The following PCDHGA6 variants were observed in gnomAD, a reference collection of about 807,000 sequenced individuals.
The protein encoded by PCDHGA6 is protocadherin gamma-A6.
Under a neutral mutation model 60.6 loss-of-function variants are expected in PCDHGA6, and 41 were observed. The observed-to-expected ratio is 0.68, with a 90% confidence interval of 0.53 to 0.88. PCDHGA6 has a LOEUF of 0.88. PCDHGA6 is among the 40% of genes least tolerant of loss of function. The probability of loss-of-function intolerance (pLI) is 0.00; values close to 1 mark genes in which losing one functional copy is unlikely to be tolerated. For synonymous variants in PCDHGA6, 594 were observed against 524.4 expected, an observed-to-expected ratio of 1.13 and a Z score of -1.81; for missense variants, 1,312 against 1,203.0, an observed-to-expected ratio of 1.09 and a Z score of -1.34.
intron 1 of PCDHGA6, chr5:141,398,750 A>G (rs144881560): frequency 1.1e-5 from 17 of 1,613,502 alleles, no homozygotes; most frequent in Middle Eastern, 1.6e-4. Flanking sequence ...CAGAGTTACC[A>G]TCGTTTAGTC....
At position 141,490,979 on chromosome 5, in the gene PCDHGA6, C is replaced by T. The variant is rs1217345302; in HGVS notation, c.2425-3828C>T. 6.2e-7 allele frequency: 1 copy of T among 1,614,086 alleles called. No individual in the cohort carries two copies. The highest frequency in any genetic ancestry group is 8.5e-7 in the Non-Finnish European group (1 of 1,180,014). ...GAACACTCAGCCCCCCAGCGTCTCC[C>T]TCGCTCTGCTCCTCCTGGCTCCTTG... On this transcript the variant is annotated intron_variant, in intron 1 of 3. Transcript: ENST00000517434. This position sits in a 1 kb window ranked among gnomAD's most constrained non-coding sequence, Gnocchi z 5.4.
In PCDHGA6 at chr5:141,487,192, C is replaced by T. The variant is rs2099641028; in HGVS notation, c.2425-7615C>T. ...TAGAGGAAGACACTCATCCAGTTGT[C>T]CCAGATCTTCGAGAATCTTCAGCTC... On this transcript the variant is annotated intron_variant, in intron 1 of 3. Transcript: ENST00000517434. This position sits in a 1 kb window ranked among gnomAD's most constrained non-coding sequence, Gnocchi z 5.0. 15 of 1,613,748 alleles carry T rather than the reference C, an allele frequency of 9.3e-6. No individual in the cohort carries two copies. Among genetic ancestry groups the T allele is most frequent in the African/African-American group, 1.3e-5 (1 of 75,040 alleles).
At chr5:141,468,425 T>TA (rs2099167168) in intron 1 of PCDHGA6, 1 of 151,612 alleles carries the variant, frequency 6.6e-6, no homozygotes, top group Non-Finnish European at 1.5e-5. Context: ...GATAGCAAGG[T>TA]AATAGCAAAA....
chr5:141,465,629 C>A (rs1048373153), intron 1 of PCDHGA6, among the ~76,000 whole-genome samples: 1 of 152,204 alleles, frequency 6.6e-6, no homozygotes, highest in Non-Finnish European at 1.5e-5. Flanking sequence ...AGTCAACCAG[C>A]AAAATGCTTT....
chr5:141,421,078 C>T (rs11575964), intron 1 of PCDHGA6: 20,754 of 627,892 alleles, frequency 0.033, 387 homozygotes, highest in Middle Eastern at 0.088. Context: ...GAGATGGATA[C>T]TCACAGATCC....
At chr5:141,419,504 C>A in intron 1 of PCDHGA6, 1 of 1,612,298 alleles carries the variant, frequency 6.2e-7, no homozygotes, top group Non-Finnish European at 8.5e-7. Flanking sequence ...TGTGAGCCTG[C>A]GCGTGTTGGT....
At chr5:141,401,391 T>C (rs923364219) in intron 1 of PCDHGA6, among the ~76,000 whole-genome samples, 1 of 152,140 alleles carries the variant, frequency 6.6e-6, no homozygotes, top group Non-Finnish European at 1.5e-5. Flanking sequence ...ATACTACATG[T>C]TATGTGTATG....
At position 141,476,395 on chromosome 5, in the gene PCDHGA6, T is replaced by C. The variant is rs545562470; in HGVS notation, c.2425-18412T>C. 4 of 1,614,020 alleles carry C rather than the reference T, an allele frequency of 2.5e-6. 1 individual carries two copies. In the South Asian group the frequency reaches 4.4e-5, roughly 18 times the overall value. On this transcript the variant is annotated intron_variant, in intron 1 of 3. Transcript: ENST00000517434. This position sits in a 1 kb window ranked among gnomAD's most constrained non-coding sequence, Gnocchi z 7.6. ...AGATGTTTGTGAACGACCGTCTGGATCGAGAGGAGCTGTGTGGGACACTGC... is the reference window on the plus strand; with the variant it reads ...AGATGTTTGTGAACGACCGTCTGGACCGAGAGGAGCTGTGTGGGACACTGC...
chr5:141,421,970 A>C, intron 1 of PCDHGA6: 1 of 1,610,928 alleles, frequency 6.2e-7, no homozygotes, highest in Middle Eastern at 1.7e-4. Flanking sequence ...CAGTCCGTAT[A>C]TCGCGTGAGT....
intron 1 of PCDHGA6, chr5:141,433,272 C>G (rs1161817377): frequency 8.0e-7 from 1 of 1,252,412 alleles, no homozygotes; most frequent in Non-Finnish European, 1.1e-6. Flanking sequence ...TAGCTCACTG[C>G]AGCCTCAAAC....
At chr5:141,416,405 T>C (rs948190812) in intron 1 of PCDHGA6, 1 of 152,200 alleles carries the variant, frequency 6.6e-6, no homozygotes, top group Non-Finnish European at 1.5e-5. Context: ...TTTGTCTTTT[T>C]TGTTAAATTT....
intron 2 of PCDHGA6, 22 bp downstream of exon 2, chr5:141,494,887 C>T (rs116522768): frequency 0.014 from 22,125 of 1,614,118 alleles, 208 homozygotes; most frequent in Middle Eastern, 0.021. Context: ...ATTCTCCAGC[C>T]CACCCTCTTC....
At position 141,431,633 on chromosome 5, in the gene PCDHGA6, T is replaced by G; in HGVS notation, c.2424+55126T>G. On this transcript the variant is annotated intron_variant, in intron 1 of 3. Coordinates refer to ENST00000517434, the MANE Select transcript of PCDHGA6 (RefSeq NM_018919.3). This position sits in a 1 kb window ranked among gnomAD's most constrained non-coding sequence, Gnocchi z 4.8. Reference sequence around the variant, plus strand: ...TGTGGACGACAAGGCGGCCCAAGTTTTCAAACTAGATTGTAATTCAGGGAC... The same window carrying G: ...TGTGGACGACAAGGCGGCCCAAGTTGTCAAACTAGATTGTAATTCAGGGAC... 6.2e-7 allele frequency: 1 copy of G among 1,614,240 alleles called. No individual in the cohort carries two copies. Among genetic ancestry groups the G allele is most frequent in the Non-Finnish European group, 8.5e-7 (1 of 1,180,048 alleles).
chr5:141,409,205 A>T, intron 1 of PCDHGA6: 1 of 1,614,068 alleles, frequency 6.2e-7, no homozygotes, highest in African/African-American at 1.3e-5. Context: ...TAAAGTAATC[A>T]TAGAAATCCT....
rs1299162270 is a variant in PCDHGA6 at position 141,413,906 on chromosome 5, C to T, written c.2424+37399C>T. ...GTCTTCGATGCAAATGACAACGCGC[C>T]GGTCTTCACCTTGCCAGAATACCGA... On this transcript the variant is annotated intron_variant, in intron 1 of 3. Transcript: ENST00000517434. The T allele has an allele frequency of 1.9e-6, 3 of 1,613,190 alleles. No homozygotes were observed. The highest frequency in any genetic ancestry group is 1.7e-6 in the Non-Finnish European group (2 of 1,179,870).
chr5:141,490,908 C>T lies in PCDHGA6; in HGVS notation c.2425-3899C>T, dbSNP rs201078924. On this transcript the variant is annotated intron_variant, in intron 1 of 3. Coordinates refer to ENST00000517434, the MANE Select transcript of PCDHGA6 (RefSeq NM_018919.3). This position sits in a 1 kb window ranked among gnomAD's most constrained non-coding sequence, Gnocchi z 5.4. The stretch of plus-strand genomic sequence containing the variant: ...CATCTCTGCATGTGTTTGTCCTAGA[C>T]GAGAATGATAATGCCCCAGCTGTGC... 42 of 1,613,710 alleles carry T rather than the reference C, an allele frequency of 2.6e-5. No homozygotes were observed. The highest frequency in any genetic ancestry group is 8.3e-5 in the Admixed American group (5 of 60,018).
At chr5:141,437,832 G>A (rs929534984) in intron 1 of PCDHGA6, among the ~76,000 whole-genome samples, 2 of 151,794 alleles carry the variant, frequency 1.3e-5, no homozygotes, top group Admixed American at 1.3e-4. Context: ...CTGCCTCCTG[G>A]GTTCATGCTA....
intron 1 of PCDHGA6, among the ~76,000 whole-genome samples, chr5:141,464,934 G>T (rs1353581045): frequency 1.3e-5 from 2 of 151,416 alleles, no homozygotes; most frequent in African/African-American, 4.8e-5. Flanking sequence ...GAGATGTGAG[G>T]TCTCACTATG....
Position 141,383,130 on chromosome 5 carries a change from G to C in PCDHGA6, c.2424+6623G>C, listed in dbSNP as rs1328104143. On this transcript the variant is annotated intron_variant, in intron 1 of 3. Coordinates refer to ENST00000517434, the MANE Select transcript of PCDHGA6 (RefSeq NM_018919.3). ...GAGGTAGGACGCAGCTTTTCGCCCT[G>C]AACCAGCGCAGCGGCAGCTTGGTCA... 3.1e-6 allele frequency: 5 copies of C among 1,614,008 alleles called. No homozygotes were observed. In the African/African-American group the frequency reaches 5.3e-5, roughly 17 times the overall value.
Sources: allele counts gnomAD v4.1 joint callset (sites outside exome capture counted in the v4.1 genomes callset), GRCh38; gene constraint gnomAD v4.1.1; non-coding constraint Gnocchi (gnomAD v3.1); transcripts MANE v1.5; gene names NCBI Gene and HGNC (gene_info 2026-07-23, HGNC 2026-07-21).